The following MSH3 variants were observed in gnomAD, a reference collection of about 807,000 sequenced individuals.
MSH3 encodes the protein mutS homolog 3, also known as DNA mismatch repair protein Msh3.
A neutral mutation model predicts 123.3 loss-of-function variants in MSH3; 106 were observed. The ratio of observed to expected loss-of-function variants is 0.86; its 90% confidence interval spans 0.73 to 1.01. The LOEUF (loss-of-function observed/expected upper bound fraction) is 1.01. MSH3 is among the 50% of genes least tolerant of loss of function. The probability of loss-of-function intolerance (pLI) is 0.00; values close to 1 mark genes in which losing one functional copy is unlikely to be tolerated. For synonymous variants in MSH3, 515 were observed against 481.4 expected, an observed-to-expected ratio of 1.07 and a Z score of -0.91; for missense variants, 1,459 against 1,347.6, an observed-to-expected ratio of 1.08 and a Z score of -1.29.
At chr5:80,668,058 G>T (rs573442330) in intron 3 of MSH3, among the ~76,000 whole-genome samples, 1 of 152,194 alleles carries the variant, frequency 6.6e-6, no homozygotes, top group Admixed American at 6.5e-5. Context: ...GGGGAGACCC[G>T]CAGTGGGTGC....
intron 3 of MSH3, among the ~76,000 whole-genome samples, chr5:80,667,272 C>T (rs1316911943): frequency 6.6e-6 from 1 of 152,062 alleles, no homozygotes; most frequent in Non-Finnish European, 1.5e-5. Flanking sequence ...TTTTATACTA[C>T]ATAGTATATA....
chr5:80,698,330 G>A (rs1750531415), intron 8 of MSH3, among the ~76,000 whole-genome samples: 1 of 152,152 alleles, frequency 6.6e-6, no homozygotes, highest in African/African-American at 2.4e-5. Context: ...GCTGCTGTGC[G>A]CCAGCTTTGT....
intron 12 of MSH3, among the ~76,000 whole-genome samples, chr5:80,761,128 T>C (rs1199649826): frequency 6.6e-6 from 1 of 152,106 alleles, no homozygotes; most frequent in African/African-American, 2.4e-5. Flanking sequence ...CACACAGCCA[T>C]GTAAAATTAG....
intron 20 of MSH3, among the ~76,000 whole-genome samples, chr5:80,846,736 A>G (rs183893696): frequency 1.3e-5 from 2 of 152,336 alleles, no homozygotes; most frequent in African/African-American, 4.8e-5. Flanking sequence ...ATGGGAGGGT[A>G]TCTCCTGGTC....
chr5:80,709,120 G>C (rs548253744), intron 8 of MSH3, among the ~76,000 whole-genome samples: 1 of 151,692 alleles, frequency 6.6e-6, no homozygotes, highest in Admixed American at 6.6e-5. Context: ...TCACATAATA[G>C]AAATAAAGGG....
intron 18 of MSH3, among the ~76,000 whole-genome samples, chr5:80,791,882 G>A (rs772251943): frequency 6.6e-6 from 1 of 152,188 alleles, no homozygotes; most frequent in Non-Finnish European, 1.5e-5. Context: ...TAACATCTGG[G>A]AAGGAGAGCT....
chr5:80,869,069 C>T lies in MSH3; in HGVS notation c.3131-4047C>T, dbSNP rs968763200. Among the ~76,000 whole-genome samples, 3 of 152,142 alleles carry T rather than the reference C, an allele frequency of 2.0e-5. No individual in the cohort carries two copies. In the East Asian group the frequency reaches 5.8e-4, roughly 29 times the overall value. ...ATGATGTGATAGGTAAAACAATGGACAAACAGTTAAGAAACCTGTGTTTTA... is the reference window on the plus strand; with the variant it reads ...ATGATGTGATAGGTAAAACAATGGATAAACAGTTAAGAAACCTGTGTTTTA... On this transcript the variant is annotated intron_variant, in intron 22 of 23. Coordinates refer to ENST00000265081, the MANE Select transcript of MSH3 (RefSeq NM_002439.5).
intron 8 of MSH3, among the ~76,000 whole-genome samples, chr5:80,710,354 C>T (rs1750835076): frequency 6.6e-6 from 1 of 152,172 alleles, no homozygotes. Context: ...CAGCTATTCC[C>T]TTCCTTCACC....
chr5:80,781,499 G>C (rs181788797), intron 17 of MSH3, among the ~76,000 whole-genome samples: 21 of 136,518 alleles, frequency 1.5e-4, no homozygotes, highest in Non-Finnish European at 2.2e-4. Flanking sequence ...TTTTTTCCTC[G>C]CTCTGCCACC....
intron 17 of MSH3, 33 bp from the exon 18 acceptor site, chr5:80,787,532 C>T (rs1158710612): frequency 7.1e-7 from 1 of 1,403,424 alleles, no homozygotes; most frequent in Non-Finnish European, 1.0e-6. Flanking sequence ...TATCAGTTTG[C>T]TCACCTTTTT....
At chr5:80,855,210 C>A (rs893199178) in intron 21 of MSH3, among the ~76,000 whole-genome samples, 7 of 152,082 alleles carry the variant, frequency 4.6e-5, no homozygotes, top group Non-Finnish European at 1.0e-4. Context: ...CATGGCACCT[C>A]TCCTTAGGTC....
At chr5:80,728,639 T>G (rs1436066601) in intron 9 of MSH3, among the ~76,000 whole-genome samples, 1 of 152,202 alleles carries the variant, frequency 6.6e-6, no homozygotes, top group Non-Finnish European at 1.5e-5. Flanking sequence ...AATGCCCTTT[T>G]TTTCCATGCC....
At chr5:80,835,095 C>T (rs1188480282) in intron 20 of MSH3, among the ~76,000 whole-genome samples, 1 of 152,206 alleles carries the variant, frequency 6.6e-6, no homozygotes, top group Non-Finnish European at 1.5e-5. Context: ...ATCAGACAAG[C>T]TCTTCCCTTC....
At chr5:80,709,180 C>T (rs1167314840) in intron 8 of MSH3, among the ~76,000 whole-genome samples, 1 of 151,172 alleles carries the variant, frequency 6.6e-6, no homozygotes. Context: ...CCTTAGTAGA[C>T]CCACATTAGC....
At chr5:80,766,783 T>C (rs1446745356) in intron 13 of MSH3, among the ~76,000 whole-genome samples, 2 of 152,050 alleles carry the variant, frequency 1.3e-5, no homozygotes, top group African/African-American at 4.8e-5. Flanking sequence ...ACTACAGTAG[T>C]ATGCAGGGGT....
At chr5:80,663,061 C>G (rs559215081) in intron 2 of MSH3, among the ~76,000 whole-genome samples, 1 of 152,036 alleles carries the variant, frequency 6.6e-6, no homozygotes, top group Admixed American at 6.6e-5. Context: ...ATAGGGAGAC[C>G]CTGTCTATAC....
intron 20 of MSH3, among the ~76,000 whole-genome samples, chr5:80,849,864 G>A (rs905221561): frequency 6.6e-6 from 1 of 152,090 alleles, no homozygotes. Context: ...TTCTGCACCT[G>A]GCTTGAATTT....
chr5:80,873,305 GC>G lies in MSH3; in HGVS notation c.3302+19del, dbSNP rs1387893599. 1.2e-6 allele frequency: 2 copies of G among 1,612,964 alleles called. No homozygotes were observed. The highest frequency in any genetic ancestry group is 2.7e-5 in the African/African-American group (2 of 74,888). ...ACGAAAAGGTCAGAGTGATTATGCT[GC>G]ATTTTTTCATTTGTAATGAAACCTT... is the stretch of plus-strand genomic sequence containing the variant. On this transcript the variant is annotated intron_variant, in intron 23 of 23. Transcript: ENST00000265081.
chr5:80,864,631 G>C (rs1382867884), intron 21 of MSH3, among the ~76,000 whole-genome samples, 182 bp from the exon 22 acceptor site: 1 of 152,070 alleles, frequency 6.6e-6, no homozygotes, highest in Non-Finnish European at 1.5e-5. Flanking sequence ...GGAAGAAGAA[G>C]GGAAATATGG....
Sources: gnomAD v4.1 joint callset for allele counts (sites outside exome capture counted in the v4.1 genomes callset) on GRCh38, gnomAD v4.1.1 for gene constraint, MANE v1.5 for transcripts, NCBI Gene and HGNC (gene_info 2026-07-23, HGNC 2026-07-21) for gene names.